Variants in NFATC1 observed in about 807,000 individuals in gnomAD.
NFATC1 encodes the protein nuclear factor of activated T-cells, cytoplasmic 1.
In NFATC1, 22 loss-of-function variants were observed where a neutral mutation model predicts 76.0. The ratio of observed to expected loss-of-function variants is 0.29; its 90% CI spans 0.21 to 0.41. The LOEUF is 0.41. NFATC1 is among the 10% of genes least tolerant of loss of function. NFATC1 has a pLI of 1.00. For synonymous variants in NFATC1, 704 were observed against 613.1 expected (o/e 1.15, Z -2.19); for missense variants, 1,357 against 1,337.7 (o/e 1.01, Z -0.23).
chr18:79,445,247 G>T (rs1479462531), intron 3 of NFATC1, among the ~76,000 whole-genome samples: 2 of 152,226 alleles, frequency 1.3e-5, no homozygotes, highest in Non-Finnish European at 2.9e-5. Context: ...CGTGGGCCTG[G>T]GCTGTGGGTA....
intron 9 of NFATC1, among the ~76,000 whole-genome samples, chr18:79,495,768 C>A (rs928121406): frequency 6.6e-6 from 1 of 152,226 alleles, no homozygotes; most frequent in African/African-American, 2.4e-5. Flanking sequence ...GTAAGGCGTT[C>A]GCGAGTCATT....
intron 5 of NFATC1, 49 bp downstream of exon 5, chr18:79,451,175 T>C (rs2290154): frequency 0.37 from 579,473 of 1,568,760 alleles, 111,914 homozygotes; most frequent in African/African-American, 0.69. Context: ...TCCCGTCACA[T>C]GCGCTTCACT....
chr18:79,523,313 C>T lies in NFATC1; in HGVS notation c.2783-4215C>T, dbSNP rs1296795304. Among the ~76,000 whole-genome samples the T allele has an allele frequency of 2.6e-5, 4 of 152,366 alleles. No individual in the cohort carries two copies. The South Asian group carries it at 6.2e-4, about 24-fold the overall frequency. ...AACAGCGTTCAGGCCCTGGCAGCTC[C>T]GTTCTGGCCCTCATCATTCCCAGCA... On this transcript the variant is annotated intron_variant, in intron 9 of 9. Transcript: ENST00000427363.
Position 79,461,357 on chromosome 18 carries a change from G to T in NFATC1, c.1950G>T (p.Leu650=). The T allele has an allele frequency of 6.2e-7, 1 of 1,614,136 alleles. No individual in the cohort carries two copies. The highest frequency in any genetic ancestry group is 2.2e-5 in the East Asian group (1 of 44,884). ...WEMEAKTDRD[L]CKPNSLVVEI... ...TGGAAGCGAAAACTGACCGGGACCT[G>T]TGCAAGCCGGTGAGTGCCTTTGGCG... The change falls in exon 7 of 10, where the codon CTG becomes CTT. Residue 650 remains leucine (L), a synonymous_variant. Transcript: ENST00000427363.
chr18:79,465,130 T>G lies in NFATC1; in HGVS notation c.1960-2320T>G, dbSNP rs549418049. 6.6e-6 allele frequency among the ~76,000 whole-genome samples: 1 copy of G among 152,352 alleles called. No homozygotes were observed. The highest frequency in any genetic ancestry group is 2.1e-4 in the South Asian group (1 of 4,828). ...AGGTTGCGTAGGTGCTGGTGCCATT[T>G]GGAACCCGTATTTTTTCCGGTACAG... On this transcript the variant is annotated intron_variant, in intron 7 of 9. Transcript: ENST00000427363. This position sits in a 1 kb window ranked among gnomAD's most constrained non-coding sequence, Gnocchi z 4.2.
chr18:79,457,202 C>G (rs977653177), intron 6 of NFATC1, among the ~76,000 whole-genome samples: 2 of 152,142 alleles, frequency 1.3e-5, no homozygotes, highest in African/African-American at 2.4e-5. Context: ...TGTTTGCTCC[C>G]AGAGACCACA....
At chr18:79,481,784 G>GT (rs200791712) in intron 8 of NFATC1, among the ~76,000 whole-genome samples, 268 of 141,776 alleles carry the variant, frequency 1.9e-3, no homozygotes, top group African/African-American at 7.7e-3. Context: ...GCGTGACCTG[G>GT]TCCTGGGGTG....
intron 9 of NFATC1, among the ~76,000 whole-genome samples, chr18:79,511,748 G>C (rs1321922033): frequency 1.3e-5 from 2 of 152,104 alleles, no homozygotes; most frequent in African/African-American, 4.8e-5. Flanking sequence ...GAGGCTCTCA[G>C]TGGGGGGCCA....
At chr18:79,454,704 C>G (rs968472686) in intron 6 of NFATC1, among the ~76,000 whole-genome samples, 1 of 152,096 alleles carries the variant, frequency 6.6e-6, no homozygotes, top group Non-Finnish European at 1.5e-5. Context: ...CGACATTTTC[C>G]GATGATGAAA....
At chr18:79,492,093 A>C (rs2089695215) in intron 9 of NFATC1, among the ~76,000 whole-genome samples, 1 of 152,208 alleles carries the variant, frequency 6.6e-6, no homozygotes, top group Admixed American at 6.5e-5. Context: ...TGGAGTTAAA[A>C]GGCAATAAGA....
Position 79,524,966 on chromosome 18 carries a change from T to C in NFATC1, c.2783-2562T>C, listed in dbSNP as rs1263980116. On this transcript the variant is annotated intron_variant, in intron 9 of 9. Coordinates refer to ENST00000427363, the MANE Select transcript of NFATC1 (RefSeq NM_001278669.2). The surrounding 1 kb of genome is among the most constrained non-coding windows in gnomAD (Gnocchi z 7.2). ...TCAGACGCCGTCCCCACCCTGTCAC[T>C]GTCACCATCACCCATCCTGTCCCCT... 1.3e-5 allele frequency among the ~76,000 whole-genome samples: 2 copies of C among 151,862 alleles called. No homozygotes were observed. The highest frequency in any genetic ancestry group is 2.9e-5 in the Non-Finnish European group (2 of 67,932).
intron 8 of NFATC1, among the ~76,000 whole-genome samples, chr18:79,478,115 A>G (rs965058747): frequency 2.4e-4 from 1 of 4,136 alleles, no homozygotes; most frequent in Non-Finnish European, 4.7e-4. Context: ...TCTTGCCCCC[A>G]GGCCCCCCCC....
intron 7 of NFATC1, among the ~76,000 whole-genome samples, chr18:79,466,841 G>A (rs1230530402): frequency 6.6e-6 from 1 of 152,316 alleles, no homozygotes; most frequent in African/African-American, 2.4e-5. Flanking sequence ...TCTGGGTTTC[G>A]CTGCAGTCAC....
chr18:79,420,510 C>T (rs60426666), intron 2 of NFATC1, among the ~76,000 whole-genome samples: 3,297 of 147,366 alleles, frequency 0.022, 106 homozygotes, highest in African/African-American at 0.077. Flanking sequence ...AAGAGGCAGA[C>T]GCATTTCCAG....
chr18:79,487,649 C>T (rs1352003755), intron 9 of NFATC1, among the ~76,000 whole-genome samples: 3 of 152,210 alleles, frequency 2.0e-5, no homozygotes, highest in Admixed American at 6.5e-5. Context: ...CTTTCTGTGA[C>T]GAGTGGTGAC....
At chr18:79,508,803 A>ATC (rs372057429) in intron 9 of NFATC1, among the ~76,000 whole-genome samples, 113 of 141,034 alleles carry the variant, frequency 8.0e-4, no homozygotes, top group African/African-American at 2.8e-3. Flanking sequence ...CTCTCCGTCC[A>ATC]TCTCTCTCTC....
intron 7 of NFATC1, among the ~76,000 whole-genome samples, chr18:79,463,454 C>G (rs544059504): frequency 1.3e-5 from 2 of 148,546 alleles, no homozygotes; most frequent in South Asian, 4.2e-4. Context: ...GTTCCCGTGT[C>G]CATACCGGCC....
chr18:79,430,879 C>T (rs1456942238), intron 2 of NFATC1, among the ~76,000 whole-genome samples: 2 of 152,232 alleles, frequency 1.3e-5, no homozygotes, highest in Non-Finnish European at 2.9e-5. Context: ...CAGAAACTCA[C>T]AGCTGGCCGC....
At chr18:79,485,923 G>A (rs1233530853) in intron 8 of NFATC1, among the ~76,000 whole-genome samples, 1 of 152,232 alleles carries the variant, frequency 6.6e-6, no homozygotes, top group Non-Finnish European at 1.5e-5. Flanking sequence ...GTGCATCCAC[G>A]TTGAAACTTT....
Sources: gnomAD v4.1 joint callset for allele counts (sites outside exome capture counted in the v4.1 genomes callset) on GRCh38, gnomAD v4.1.1 for gene constraint, Gnocchi (gnomAD v3.1) non-coding constraint, MANE v1.5 for transcripts, NCBI Gene and HGNC (gene_info 2026-07-23, HGNC 2026-07-21) for gene names.